FARS2: variants seen among roughly 807,000 people sequenced by gnomAD.
FARS2 encodes phenylalanyl-tRNA synthetase 2, mitochondrial, also known as phenylalanine--tRNA ligase, mitochondrial.
FARS2 carries 40 observed loss-of-function variants against 46.4 expected under a neutral mutation model. The ratio of observed to expected loss-of-function variants is 0.86; its 90% CI spans 0.67 to 1.12. The LOEUF (loss-of-function observed/expected upper bound fraction) is 1.12, where lower values mean the gene tolerates loss of function less well. Among genes scored for constraint, FARS2 ranks in the 50% most tolerant of loss-of-function variants. The pLI is 0.00. For missense variants in FARS2, 513 were observed against 567.9 expected (o/e 0.90, Z 0.98); for synonymous variants, 234 against 214.9 (o/e 1.09, Z -0.78).
chr6:5,501,150 C>T (rs1232721273), intron 4 of FARS2, among the ~76,000 whole-genome samples: 1 of 151,904 alleles, frequency 6.6e-6, no homozygotes, highest in Non-Finnish European at 1.5e-5. Context: ...TGAACATTGC[C>T]ACTCGCCATC....
At chr6:5,575,326 C>T (rs185357050) in intron 5 of FARS2, among the ~76,000 whole-genome samples, 107 of 152,286 alleles carry the variant, frequency 7.0e-4, no homozygotes, top group African/African-American at 2.5e-3. Flanking sequence ...TGGAGCATGG[C>T]AAATAATGAT....
Position 5,771,539 on chromosome 6 carries a change from C to A in FARS2, c.*110C>A. The A allele has an allele frequency of 1.7e-6, 2 of 1,175,114 alleles. No individual in the cohort carries two copies. The highest frequency in any genetic ancestry group is 1.5e-5 in the African/African-American group (1 of 65,104). 72.8% of individuals were successfully genotyped at this position (1,175,114 alleles called of 1,614,324 possible). A position where few individuals can be genotyped will look rare whatever the true frequency, so the allele number is the denominator to read the frequency against. On this transcript the variant is annotated 3_prime_UTR_variant, in exon 7 of 7. Coordinates refer to ENST00000274680, the MANE Select transcript of FARS2 (RefSeq NM_006567.5). ...ATCAATCATCTTTTGATAAATGGAT[C>A]AGTTTTAGGACTTTCAGAAAATAAA...
chr6:5,489,430 G>A (rs1233378303), intron 4 of FARS2, among the ~76,000 whole-genome samples: 1 of 152,056 alleles, frequency 6.6e-6, no homozygotes, highest in Non-Finnish European at 1.5e-5. Flanking sequence ...CTCCAGCCTG[G>A]GTGACAGAAT....
intron 6 of FARS2, among the ~76,000 whole-genome samples, chr6:5,744,526 G>T (rs2150956340): frequency 6.6e-6 from 1 of 152,310 alleles, no homozygotes; most frequent in East Asian, 1.9e-4. Context: ...AAGTAGCAGA[G>T]CTGGGTTGCA....
At chr6:5,662,523 G>T (rs1777898810) in intron 6 of FARS2, among the ~76,000 whole-genome samples, 1 of 152,196 alleles carries the variant, frequency 6.6e-6, no homozygotes. Context: ...TGAAGCCCTG[G>T]AGGGAGGCAT....
In FARS2 at chr6:5,396,935, T is replaced by C. The variant is rs147057830; in HGVS notation, c.613-7607T>C. 3.1e-3 allele frequency among the ~76,000 whole-genome samples: 466 copies of C among 152,292 alleles called. 4 individuals are homozygous for C. Among genetic ancestry groups the C allele is most frequent in the African/African-American group, 0.011 (451 of 41,552 alleles). ...CCTCACGTTTCCCCCTGATTTGATATCATCCAGCCTAAGATCACCACACAC... is the reference window on the plus strand; with the variant it reads ...CCTCACGTTTCCCCCTGATTTGATACCATCCAGCCTAAGATCACCACACAC... On this transcript the variant is annotated intron_variant, in intron 2 of 6. Transcript: ENST00000274680.
At chr6:5,416,786 G>T (rs1762264732) in intron 3 of FARS2, among the ~76,000 whole-genome samples, 1 of 151,622 alleles carries the variant, frequency 6.6e-6, no homozygotes, top group South Asian at 2.1e-4. Flanking sequence ...TTTTGTTATT[G>T]TAGCAGTTGC....
intron 6 of FARS2, among the ~76,000 whole-genome samples, chr6:5,649,706 C>T (rs930267160): frequency 4.6e-5 from 7 of 152,206 alleles, no homozygotes; most frequent in Non-Finnish European, 1.0e-4. Flanking sequence ...AACTTGTCCT[C>T]AGTCCACACA....
chr6:5,769,245 G>A (rs528122655), intron 6 of FARS2, among the ~76,000 whole-genome samples: 1 of 152,262 alleles, frequency 6.6e-6, no homozygotes, highest in East Asian at 1.9e-4. Flanking sequence ...TTTCCCCCTT[G>A]GATAGTCTTG....
At chr6:5,389,842 T>C (rs1278591934) in intron 2 of FARS2, among the ~76,000 whole-genome samples, 1 of 122,852 alleles carries the variant, frequency 8.1e-6, no homozygotes, top group Admixed American at 7.9e-5. Flanking sequence ...TTTTTGTCGT[T>C]GTTGTTGTTA....
chr6:5,677,227 A>G (rs930723442), intron 6 of FARS2, among the ~76,000 whole-genome samples: 10 of 152,210 alleles, frequency 6.6e-5, no homozygotes, highest in African/African-American at 2.4e-4. Flanking sequence ...GGCATGGTAT[A>G]AATACTGAGA....
intron 6 of FARS2, among the ~76,000 whole-genome samples, chr6:5,717,933 T>TGAGAGAGAGAGAGAGAGAGAG (rs1554128878): frequency 3.1e-5 from 4 of 128,230 alleles, no homozygotes; most frequent in Non-Finnish European, 4.7e-5. Flanking sequence ...TATATATATA[T>TGAGAGAGAGAGAGAGAGAGAG]ATACAGAGTC....
At chr6:5,621,277 A>G (rs961160876) in intron 6 of FARS2, among the ~76,000 whole-genome samples, 3 of 148,760 alleles carry the variant, frequency 2.0e-5, no homozygotes, top group African/African-American at 7.5e-5. Context: ...TTTAATAGAG[A>G]TGGAGGTCTT....
At chr6:5,517,132 A>G (rs1177088927) in intron 4 of FARS2, among the ~76,000 whole-genome samples, 1 of 152,162 alleles carries the variant, frequency 6.6e-6, no homozygotes, top group East Asian at 1.9e-4. Context: ...TCTGAGCTGA[A>G]TTTCAAAGAA....
At position 5,712,228 on chromosome 6, in the gene FARS2, A is replaced by G. The variant is rs367821711; in HGVS notation, c.1218-59063A>G. ...ATCCTCACTATGACAGCCCTTCCTA[A>G]TATCACAAGTGATGTTAGTGGCTCC... is the stretch of plus-strand genomic sequence containing the variant. On this transcript the variant is annotated intron_variant, in intron 6 of 6. Transcript: ENST00000274680. Among the ~76,000 whole-genome samples, 6 of 152,276 alleles carry G rather than the reference A, an allele frequency of 3.9e-5. No homozygotes were observed. In the South Asian group the frequency reaches 8.3e-4, roughly 21 times the overall value.
At chr6:5,682,475 T>C (rs910330920) in intron 6 of FARS2, among the ~76,000 whole-genome samples, 1 of 152,200 alleles carries the variant, frequency 6.6e-6, no homozygotes, top group Non-Finnish European at 1.5e-5. Flanking sequence ...GCAAAGATGT[T>C]ATTATGGGCA....
intron 4 of FARS2, among the ~76,000 whole-genome samples, chr6:5,495,201 A>G (rs542533771): frequency 1.3e-5 from 2 of 152,260 alleles, no homozygotes; most frequent in South Asian, 2.1e-4. Context: ...TGAAAACTGT[A>G]GCCGCCTGAA....
intron 4 of FARS2, among the ~76,000 whole-genome samples, chr6:5,503,516 A>T (rs187714681): frequency 6.6e-6 from 1 of 151,768 alleles, no homozygotes; most frequent in Non-Finnish European, 1.5e-5. Context: ...AAAACATCTT[A>T]TTGCATACCG....
intron 1 of FARS2, among the ~76,000 whole-genome samples, chr6:5,330,484 G>T (rs1770724779): frequency 6.6e-6 from 1 of 152,136 alleles, no homozygotes. Context: ...AGGATACTGT[G>T]TGGGGTGTTG....
Sources: allele counts gnomAD v4.1 joint callset (sites outside exome capture counted in the v4.1 genomes callset), GRCh38; gene constraint gnomAD v4.1.1; transcripts MANE v1.5; gene names NCBI Gene and HGNC (gene_info 2026-07-23, HGNC 2026-07-21).